BABAM2: variants seen among roughly 807,000 people sequenced by gnomAD.
The protein encoded by BABAM2 is BRISC and BRCA1-A complex member 2.
Under a neutral mutation model 54.7 loss-of-function variants are expected in BABAM2, and 31 were observed. The ratio of observed to expected loss-of-function variants is 0.57; its 90% CI spans 0.43 to 0.77. BABAM2 has a LOEUF of 0.77. Among genes scored for constraint, BABAM2 ranks in the 30% least tolerant of loss-of-function variants. The pLI is 0.00. For synonymous variants in BABAM2, 167 were observed against 162.9 expected, an observed-to-expected ratio of 1.03 and a Z score of -0.19; for missense variants, 364 against 455.8, an observed-to-expected ratio of 0.80 and a Z score of 1.83.
At chr2:28,066,762 G>A (rs1237203460) in intron 6 of BABAM2, among the ~76,000 whole-genome samples, 1 of 152,158 alleles carries the variant, frequency 6.6e-6, no homozygotes, top group Non-Finnish European at 1.5e-5. Context: ...AGCAATCCAA[G>A]GAAGAGTGAG....
chr2:28,236,533 T>A (rs937273599), intron 7 of BABAM2, among the ~76,000 whole-genome samples: 11 of 151,950 alleles, frequency 7.2e-5, no homozygotes, highest in Admixed American at 2.0e-4. Context: ...ACCCAGCTAA[T>A]CTTTGTATTT....
At chr2:27,925,643 C>T (rs1047571540) in intron 2 of BABAM2, among the ~76,000 whole-genome samples, 4 of 152,136 alleles carry the variant, frequency 2.6e-5, no homozygotes, top group African/African-American at 4.8e-5. Context: ...GTAGCGATGT[C>T]TTTCCTTAAA....
At chr2:28,274,053 C>T (rs913228621) in intron 10 of BABAM2, among the ~76,000 whole-genome samples, 1 of 152,196 alleles carries the variant, frequency 6.6e-6, no homozygotes, top group Non-Finnish European at 1.5e-5. Context: ...AGGACTAGCT[C>T]ACTGGCCAGC....
chr2:28,105,913 T>C (rs1378436354), intron 6 of BABAM2, among the ~76,000 whole-genome samples: 6 of 151,958 alleles, frequency 3.9e-5, no homozygotes, highest in African/African-American at 1.5e-4. Context: ...GTGCAATGGG[T>C]TTCTAATTTA....
chr2:28,205,893 T>G (rs1678792064), intron 7 of BABAM2, among the ~76,000 whole-genome samples: 1 of 152,230 alleles, frequency 6.6e-6, no homozygotes, highest in Non-Finnish European at 1.5e-5. Flanking sequence ...CTTCAGCTTT[T>G]AAAATATTAA....
At chr2:27,968,014 A>C (rs778334479) in intron 3 of BABAM2, among the ~76,000 whole-genome samples, 5 of 152,246 alleles carry the variant, frequency 3.3e-5, no homozygotes, top group Non-Finnish European at 7.3e-5. Flanking sequence ...TGATAGAAAA[A>C]AATCCCATAT....
At chr2:28,167,042 A>T (rs1044037071) in intron 7 of BABAM2, among the ~76,000 whole-genome samples, 1 of 152,210 alleles carries the variant, frequency 6.6e-6, no homozygotes, top group African/African-American at 2.4e-5. Flanking sequence ...TGCCGATAAT[A>T]TAGTGTGAAA....
At chr2:27,977,400 G>A (rs992569169) in intron 3 of BABAM2, among the ~76,000 whole-genome samples, 9 of 152,114 alleles carry the variant, frequency 5.9e-5, no homozygotes, top group South Asian at 2.1e-4. Flanking sequence ...TAAATCTAGC[G>A]ATACTGAAAT....
chr2:28,211,053 C>T (rs764477024), intron 7 of BABAM2, among the ~76,000 whole-genome samples: 2 of 152,072 alleles, frequency 1.3e-5, no homozygotes, highest in African/African-American at 4.8e-5. Flanking sequence ...TTAAGTGTAT[C>T]ATATACTTTT....
intron 6 of BABAM2, among the ~76,000 whole-genome samples, chr2:28,078,318 T>C (rs1361016553): frequency 2.9e-5 from 4 of 140,174 alleles, no homozygotes; most frequent in African/African-American, 5.1e-5. Context: ...TTGAATTAAG[T>C]TGACCCTTAT....
intron 3 of BABAM2, among the ~76,000 whole-genome samples, chr2:27,970,848 G>T (rs1360335353): frequency 1.3e-5 from 2 of 151,932 alleles, no homozygotes; most frequent in Non-Finnish European, 2.9e-5. Flanking sequence ...GGTTATTCAT[G>T]ACATTAATGA....
At chr2:28,198,606 T>C (rs55807911) in intron 7 of BABAM2, among the ~76,000 whole-genome samples, 28,625 of 152,204 alleles carry the variant, frequency 0.19, 2,826 homozygotes, top group Middle Eastern at 0.23. Context: ...CCATAGTACC[T>C]GTCCTTCCTT....
intron 10 of BABAM2, among the ~76,000 whole-genome samples, chr2:28,264,231 G>A (rs1431224687): frequency 2.0e-5 from 3 of 152,126 alleles, no homozygotes; most frequent in Admixed American, 6.6e-5. Context: ...AGAGCTGAAT[G>A]TAAGCATGTT....
intron 6 of BABAM2, among the ~76,000 whole-genome samples, chr2:28,074,934 T>C (rs1241544557): frequency 6.6e-6 from 1 of 152,208 alleles, no homozygotes; most frequent in Non-Finnish European, 1.5e-5. Context: ...AAGAAGTTCA[T>C]TCTTCTTCCA....
At chr2:28,182,775 G>A (rs763343194) in intron 7 of BABAM2, among the ~76,000 whole-genome samples, 4 of 152,152 alleles carry the variant, frequency 2.6e-5, no homozygotes, top group Admixed American at 6.5e-5. Flanking sequence ...TTAATAAATT[G>A]GAAGTTTATT....
intron 6 of BABAM2, among the ~76,000 whole-genome samples, chr2:28,052,287 CTTTTT>C (rs540993353): frequency 2.2e-5 from 3 of 134,908 alleles, no homozygotes; most frequent in Non-Finnish European, 4.8e-5. Flanking sequence ...TTTTTTTTTG[CTTTTT>C]TTTTTTTTTC....
At position 28,237,080 on chromosome 2, in the gene BABAM2, A is replaced by G. The variant is rs564545235; in HGVS notation, c.681-122A>G. ...ATAAAGTGAAGCCCATATACCCATC[A>G]TCATTAACCTAGGCAGTTGGTGGCC... On this transcript the variant is annotated intron_variant, in intron 7 of 11. Coordinates refer to ENST00000379624, the MANE Select transcript of BABAM2 (RefSeq NM_199191.3). 3.9e-5 allele frequency: 28 copies of G among 711,434 alleles called. No individual in the cohort carries two copies. The South Asian group carries it at 4.2e-4, about 11-fold the overall frequency. 44.1% of individuals were successfully genotyped at this position (711,434 alleles called of 1,614,324 possible). A position where few individuals can be genotyped will look rare whatever the true frequency, so the allele number is the denominator to read the frequency against.
At chr2:28,093,145 T>C (rs1336485757) in intron 6 of BABAM2, among the ~76,000 whole-genome samples, 1 of 152,200 alleles carries the variant, frequency 6.6e-6, no homozygotes, top group East Asian at 1.9e-4. Flanking sequence ...TAAATTTGTA[T>C]ACCACTTTAC....
chr2:28,331,919 G>A (rs1389657278), intron 11 of BABAM2, among the ~76,000 whole-genome samples: 1 of 152,062 alleles, frequency 6.6e-6, no homozygotes, highest in East Asian at 1.9e-4. Context: ...AATCAACCCA[G>A]TCCATCAGTG....
Sources: gnomAD v4.1 joint callset for allele counts (sites outside exome capture counted in the v4.1 genomes callset) on GRCh38, gnomAD v4.1.1 for gene constraint, MANE v1.5 for transcripts, NCBI Gene and HGNC (gene_info 2026-07-23, HGNC 2026-07-21) for gene names.